Variants in RGPD3 observed in about 807,000 individuals in gnomAD.
RGPD3 encodes RANBP2 like and GRIP domain containing 3.
A neutral mutation model predicts 154.5 loss-of-function variants in RGPD3; 62 were observed. That is an observed-to-expected ratio of 0.40 (90% CI 0.33 to 0.50). The LOEUF (loss-of-function observed/expected upper bound fraction) is 0.50, where lower values mean the gene tolerates loss of function less well. RGPD3 is among the 20% of genes least tolerant of loss of function. The probability of loss-of-function intolerance (pLI) is 0.59; values close to 1 mark genes in which losing one functional copy is unlikely to be tolerated. For missense variants in RGPD3, 919 were observed against 1,716.8 expected (o/e 0.54, Z 8.21); for synonymous variants, 308 against 607.0 (o/e 0.51, Z 7.24).
intron 17 of RGPD3, among the ~76,000 whole-genome samples, 180 bp from the exon 18 acceptor site, chr2:106,429,961 G>A (rs1235698599): frequency 2.0e-5 from 3 of 151,960 alleles, no homozygotes; most frequent in African/African-American, 7.2e-5. Flanking sequence ...TTGGCTCACC[G>A]CAACCTCCAC....
chr2:106,412,618 G>A (rs1201789848), intron 22 of RGPD3: 2 of 348,228 alleles, frequency 5.7e-6, no homozygotes, highest in Non-Finnish European at 5.7e-6. Flanking sequence ...CTATGGCACA[G>A]TTTTAAAACT....
Position 106,404,596 on chromosome 2 carries a change from G to T in RGPD3, c.*623C>A, listed in dbSNP as rs1398051339. ...TATAACAATCTGTAAATCTGACCTTGCAATAAATAGTCATAAAATGTTATT... is the reference window on the plus strand; with the variant it reads ...TATAACAATCTGTAAATCTGACCTTTCAATAAATAGTCATAAAATGTTATT... On this transcript the variant is annotated 3_prime_UTR_variant, in exon 23 of 23. Coordinates refer to ENST00000409886, the MANE Select transcript of RGPD3 (RefSeq NM_001144013.2). 8.5e-6 allele frequency among the ~76,000 whole-genome samples: 1 copy of T among 117,876 alleles called. No individual in the cohort carries two copies. Among genetic ancestry groups the T allele is most frequent in the Non-Finnish European group, 1.8e-5 (1 of 56,284 alleles). 77.3% of individuals were successfully genotyped at this position (117,876 alleles called of 152,430 possible). A position where few individuals can be genotyped will look rare whatever the true frequency, so the allele number is the denominator to read the frequency against.
chr2:106,446,340 G>A (rs2104495664), intron 7 of RGPD3, among the ~76,000 whole-genome samples: 1 of 152,010 alleles, frequency 6.6e-6, no homozygotes, highest in South Asian at 2.1e-4. Flanking sequence ...GGCCGAGGCA[G>A]GTGGATGACT....
At chr2:106,462,659 CT>C (rs1246896047) in intron 1 of RGPD3, among the ~76,000 whole-genome samples, 1 of 152,096 alleles carries the variant, frequency 6.6e-6, no homozygotes, top group African/African-American at 2.4e-5. Flanking sequence ...TTGTGGCCTA[CT>C]TTTTCATTAT....
At chr2:106,411,005 C>T (rs1558832359) in intron 22 of RGPD3, among the ~76,000 whole-genome samples, 1 of 150,356 alleles carries the variant, frequency 6.7e-6, no homozygotes. Flanking sequence ...TGAAGTATGT[C>T]TGTAAAAAAA....
At chr2:106,418,494 G>A (rs1056923376) in intron 20 of RGPD3, among the ~76,000 whole-genome samples, 2 of 152,044 alleles carry the variant, frequency 1.3e-5, no homozygotes, top group African/African-American at 4.8e-5. Flanking sequence ...ATACAGTTAA[G>A]AGCCCAGAAT....
In RGPD3 at chr2:106,423,237, G is replaced by A; in HGVS notation, c.4730C>T (p.Pro1577Leu). 1 of 1,611,982 alleles carries A rather than the reference G, an allele frequency of 6.2e-7. No homozygotes were observed. The highest frequency in any genetic ancestry group is 8.5e-7 in the Non-Finnish European group (1 of 1,179,836). Residue 1577 changes from proline (P) to leucine (L), a missense_variant, in exon 20 of 23, where the codon CCT (proline) becomes CTT (leucine). Physicochemically the swap from Pro to Leu is moderately conservative, Grantham distance 98 (BLOSUM62 -3). Coordinates refer to ENST00000409886, the MANE Select transcript of RGPD3 (RefSeq NM_001144013.2). ...AGTTTCACTATTGTTACTTTTCAAA[G>A]GTGCATTAAAACTAAATCCAAACAA... ...GSLFGFSFNAPLKSNNSETSS... is the reference protein window; with the variant it reads ...GSLFGFSFNALLKSNNSETSS...
chr2:106,440,025 A>G (rs1677690771), intron 8 of RGPD3, among the ~76,000 whole-genome samples: 2 of 60,026 alleles, frequency 3.3e-5, no homozygotes, highest in South Asian at 1.6e-3. Context: ...GAAAGAAGCC[A>G]GTCACAAAAG....
At chr2:106,467,305 G>C (rs1678647845) in intron 1 of RGPD3, among the ~76,000 whole-genome samples, 1 of 49,450 alleles carries the variant, frequency 2.0e-5, no homozygotes, top group African/African-American at 7.9e-5. Context: ...AGCAGCGCCC[G>C]TCGGGAGCCA....
Position 106,423,743 on chromosome 2 carries a change from A to T in RGPD3, c.4224T>A (p.Asn1408Lys). The T allele has an allele frequency of 6.2e-7, 1 of 1,611,786 alleles. No homozygotes were observed. The highest frequency in any genetic ancestry group is 8.5e-7 in the Non-Finnish European group (1 of 1,179,832). Residue 1408 changes from asparagine to lysine, a missense_variant, in exon 20 of 23, where the codon AAT becomes AAA. Coordinates refer to ENST00000409886, the MANE Select transcript of RGPD3 (RefSeq NM_001144013.2). ...RRDQVLKLCANHRITPDMSLQ... is the reference protein window; with the variant it reads ...RRDQVLKLCAKHRITPDMSLQ... ...AACTCATGTCTGGAGTTATTCTGTGATTGGCACAAAGTTTTAATACTTGGT... is the reference window on the plus strand; with the variant it reads ...AACTCATGTCTGGAGTTATTCTGTGTTTGGCACAAAGTTTTAATACTTGGT...
intron 20 of RGPD3, among the ~76,000 whole-genome samples, chr2:106,417,825 A>T (rs1375234725): frequency 1.3e-5 from 2 of 151,354 alleles, no homozygotes; most frequent in Non-Finnish European, 1.5e-5. Context: ...TTGCTAAAAC[A>T]TTTCTTAAAA....
chr2:106,455,196 G>A (rs1230661263), intron 4 of RGPD3, among the ~76,000 whole-genome samples: 2 of 151,198 alleles, frequency 1.3e-5, no homozygotes, highest in African/African-American at 2.4e-5. Context: ...AAAGTGAAAG[G>A]TTAAATTGTG....
At chr2:106,414,575 T>C (rs1033918170) in intron 21 of RGPD3, among the ~76,000 whole-genome samples, 5 of 150,136 alleles carry the variant, frequency 3.3e-5, no homozygotes, top group Non-Finnish European at 7.4e-5. Context: ...TGAGCTGAGA[T>C]TGCACCACTG....
At chr2:106,420,768 AATTT>A (rs1170826872) in intron 20 of RGPD3, among the ~76,000 whole-genome samples, 12 of 152,342 alleles carry the variant, frequency 7.9e-5, no homozygotes, top group African/African-American at 2.4e-4. Context: ...GCTACTAGAA[AATTT>A]ATTTATTTAT....
chr2:106,451,557 C>T (rs1406596026), intron 6 of RGPD3, among the ~76,000 whole-genome samples: 4 of 151,312 alleles, frequency 2.6e-5, no homozygotes, highest in Non-Finnish European at 5.9e-5. Flanking sequence ...CAGAGGCATG[C>T]TGCATTCCAA....
intron 1 of RGPD3, among the ~76,000 whole-genome samples, chr2:106,459,845 T>C (rs2104516229): frequency 1.6e-5 from 2 of 125,024 alleles, no homozygotes; most frequent in Non-Finnish European, 3.3e-5. Flanking sequence ...ATCATCATCA[T>C]AAATAAGCTG....
chr2:106,468,097 C>A (rs536536669), intron 1 of RGPD3, 120 bp downstream of exon 1: 1 of 1,322,212 alleles, frequency 7.6e-7, no homozygotes, highest in Non-Finnish European at 1.0e-6. Flanking sequence ...CCACAGAGCG[C>A]GCCAGGGAGC....
intron 7 of RGPD3, among the ~76,000 whole-genome samples, chr2:106,443,112 C>CATGT (rs1677806362): frequency 1.3e-5 from 2 of 149,592 alleles, no homozygotes; most frequent in African/African-American, 4.9e-5. Context: ...TTTATATATA[C>CATGT]TGACATGGAA....
chr2:106,424,662 C>T lies in RGPD3; in HGVS notation c.3305G>A (p.Arg1102Lys), dbSNP rs1031453644. Residue 1102 changes from arginine (R) to lysine (K), a missense_variant, in exon 20 of 23, where the codon AGA becomes AAA. Transcript: ENST00000409886. ...AGCACACACTTTTAGTACTTGTTCT[C>T]TTTGCATCAGCATTCTTACTTTGCC... is the stretch of plus-strand genomic sequence containing the variant. ...VNGKVRMLMQ[R>K]EQVLKVCANH... The T allele has an allele frequency of 1.9e-5, 30 of 1,611,978 alleles. 1 individual carries two copies. Among genetic ancestry groups the T allele is most frequent in the East Asian group, 8.9e-5 (4 of 44,868 alleles).
Sources: gnomAD v4.1 joint callset for allele counts (sites outside exome capture counted in the v4.1 genomes callset) on GRCh38, gnomAD v4.1.1 for gene constraint, MANE v1.5 for transcripts, NCBI Gene and HGNC (gene_info 2026-07-23, HGNC 2026-07-21) for gene names.